The following TENM4 variants were observed in gnomAD, a reference collection of about 807,000 sequenced individuals.
TENM4 encodes the protein teneurin transmembrane protein 4, also known as teneurin-4.
Under a neutral mutation model 243.3 loss-of-function variants are expected in TENM4, and 82 were observed. The observed-to-expected ratio is 0.34, with a 90% CI of 0.28 to 0.40. The LOEUF is 0.40. Among genes scored for constraint, TENM4 ranks in the 10% least tolerant of loss-of-function variants. The pLI, the probability that TENM4 is intolerant of heterozygous loss-of-function variation, is 1.00. For missense variants in TENM4, 3,138 were observed against 3,673.3 expected, an observed-to-expected ratio of 0.85 and a Z score of 3.77; for synonymous variants, 1,412 against 1,456.3, an observed-to-expected ratio of 0.97 and a Z score of 0.69.
chr11:78,747,576 G>T (rs1856078580), intron 19 of TENM4, among the ~76,000 whole-genome samples: 1 of 152,154 alleles, frequency 6.6e-6, no homozygotes, highest in Admixed American at 6.5e-5. Flanking sequence ...AGGCAGGGGA[G>T]GCACGAGGGG....
intron 6 of TENM4, among the ~76,000 whole-genome samples, chr11:78,974,664 T>C (rs1196977827): frequency 2.0e-5 from 3 of 151,974 alleles, no homozygotes; most frequent in African/African-American, 7.3e-5. Context: ...GTGGAAGTGG[T>C]AGCTCTCCCA....
intron 2 of TENM4, among the ~76,000 whole-genome samples, chr11:79,275,570 T>C (rs1405339390): frequency 6.6e-6 from 1 of 152,186 alleles, no homozygotes; most frequent in African/African-American, 2.4e-5. Flanking sequence ...CCTGCTAGCC[T>C]TGTCTCCACT....
intron 6 of TENM4, among the ~76,000 whole-genome samples, chr11:79,061,889 T>C (rs1249108048): frequency 6.6e-6 from 1 of 152,068 alleles, no homozygotes; most frequent in Non-Finnish European, 1.5e-5. Context: ...CTTTAAAGGG[T>C]TGTAGGGGGA....
Position 78,656,996 on chromosome 11 carries a change from G to C in TENM4, c.*1062C>G, listed in dbSNP as rs1046940256. 5.0e-6 allele frequency: 2 copies of C among 398,536 alleles called. No homozygotes were observed. The highest frequency in any genetic ancestry group is 3.6e-5 in the East Asian group (1 of 28,088). 24.7% of individuals were successfully genotyped at this position (398,536 alleles called of 1,614,324 possible). ...TCCACATTCCTACGTCTCAGTGGTG[G>C]CGGCTGAGTGGTGGAGGGAAGATAC... On this transcript the variant is annotated 3_prime_UTR_variant, in exon 34 of 34. Coordinates refer to ENST00000278550, the MANE Select transcript of TENM4 (RefSeq NM_001098816.3).
chr11:79,421,710 A>C (rs1256132039), intron 1 of TENM4, among the ~76,000 whole-genome samples: 3 of 152,310 alleles, frequency 2.0e-5, no homozygotes, highest in East Asian at 3.9e-4. Context: ...GAAATTAAAA[A>C]AAAAAAAAAA....
intron 4 of TENM4, among the ~76,000 whole-genome samples, chr11:79,108,422 A>G (rs1861424475): frequency 6.6e-6 from 1 of 152,206 alleles, no homozygotes; most frequent in Non-Finnish European, 1.5e-5. Context: ...CAGACTTGCC[A>G]GCCCCACAAT....
At chr11:78,962,879 A>G (rs1388997745) in intron 6 of TENM4, among the ~76,000 whole-genome samples, 2 of 152,248 alleles carry the variant, frequency 1.3e-5, no homozygotes, top group Non-Finnish European at 2.9e-5. Context: ...AGAGCTGGAG[A>G]GAATGATTCA....
chr11:78,852,902 A>G (rs1041759302), intron 12 of TENM4, among the ~76,000 whole-genome samples: 1 of 149,066 alleles, frequency 6.7e-6, no homozygotes, highest in Non-Finnish European at 1.5e-5. Context: ...GGCATGCACC[A>G]TCGCACCTGG....
At chr11:78,922,787 G>A (rs1273774386) in intron 6 of TENM4, among the ~76,000 whole-genome samples, 1 of 152,150 alleles carries the variant, frequency 6.6e-6, no homozygotes, top group Non-Finnish European at 1.5e-5. Context: ...AATACAAGGA[G>A]AGGCATTCGG....
chr11:79,303,595 C>T (rs534066037), intron 1 of TENM4, among the ~76,000 whole-genome samples: 4 of 152,094 alleles, frequency 2.6e-5, no homozygotes, highest in Admixed American at 2.6e-4. Flanking sequence ...TTATTTGCCT[C>T]GTATTATAGA....
chr11:78,710,853 A>T (rs1176548723), intron 26 of TENM4, among the ~76,000 whole-genome samples: 1 of 152,242 alleles, frequency 6.6e-6, no homozygotes, highest in African/African-American at 2.4e-5. Flanking sequence ...GTGGGGGGCC[A>T]CGAGGGCGGG....
chr11:78,854,881 T>G (rs760866103), intron 11 of TENM4, among the ~76,000 whole-genome samples: 1 of 152,192 alleles, frequency 6.6e-6, no homozygotes, highest in Non-Finnish European at 1.5e-5. Flanking sequence ...TTAGGGGAAC[T>G]CAACTGGATT....
intron 2 of TENM4, among the ~76,000 whole-genome samples, chr11:79,266,897 G>T (rs966174157): frequency 2.0e-5 from 3 of 152,200 alleles, no homozygotes; most frequent in Non-Finnish European, 4.4e-5. Context: ...TTATGGGAGA[G>T]ACAGGCATAT....
At chr11:78,876,368 G>A (rs919586669) in intron 9 of TENM4, among the ~76,000 whole-genome samples, 1 of 152,186 alleles carries the variant, frequency 6.6e-6, no homozygotes, top group Non-Finnish European at 1.5e-5. Flanking sequence ...TACAGATTGA[G>A]GCCCATAGAT....
chr11:78,879,833 C>A (rs1226071857), intron 9 of TENM4, among the ~76,000 whole-genome samples: 5 of 151,706 alleles, frequency 3.3e-5, no homozygotes, highest in Non-Finnish European at 1.5e-5. Context: ...AGGTGAGGAG[C>A]ACCTCTGCCT....
chr11:78,891,546 C>A (rs1186017902), intron 7 of TENM4, among the ~76,000 whole-genome samples: 1 of 152,222 alleles, frequency 6.6e-6, no homozygotes. Context: ...TATATAAAAA[C>A]AAGGTTTGGC....
intron 1 of TENM4, among the ~76,000 whole-genome samples, chr11:79,312,368 G>T (rs1470001430): frequency 1.3e-5 from 2 of 152,186 alleles, no homozygotes; most frequent in East Asian, 3.9e-4. Flanking sequence ...GAAAAAACAG[G>T]TATATAATGC....
chr11:78,878,119 T>C (rs1170705445), intron 9 of TENM4, among the ~76,000 whole-genome samples: 1 of 152,212 alleles, frequency 6.6e-6, no homozygotes, highest in African/African-American at 2.4e-5. Flanking sequence ...TTTCCACCTT[T>C]GATCTCTGTG....
Position 79,088,523 on chromosome 11 carries a change from T to C in TENM4, c.-65-18514A>G, listed in dbSNP as rs189774996. The stretch of plus-strand genomic sequence containing the variant: ...TGCCAGGCACAATTCACTTAACCTC[T>C]TTATTCCTCTATATCATCTTTGAAG... On this transcript the variant is annotated intron_variant, in intron 4 of 33. Coordinates refer to ENST00000278550, the MANE Select transcript of TENM4 (RefSeq NM_001098816.3). 3.3e-5 allele frequency among the ~76,000 whole-genome samples: 5 copies of C among 152,330 alleles called. No homozygotes were observed. In the East Asian group the frequency reaches 5.8e-4, roughly 18 times the overall value.
Sources: allele counts gnomAD v4.1 joint callset (sites outside exome capture counted in the v4.1 genomes callset), GRCh38; gene constraint gnomAD v4.1.1; transcripts MANE v1.5; gene names NCBI Gene and HGNC (gene_info 2026-07-23, HGNC 2026-07-21).